MAP4K4: variants seen among roughly 807,000 people sequenced by gnomAD.
MAP4K4 encodes HPK/GCK-like kinase HGK.
MAP4K4 carries 38 observed loss-of-function variants against 189.6 expected under a neutral mutation model. The observed-to-expected ratio is 0.20, with a 90% confidence interval of 0.15 to 0.26. MAP4K4 has a LOEUF of 0.26. Ranked by LOEUF, MAP4K4 falls within the 10% of genes least tolerant of loss-of-function variation. The pLI is 1.00. For missense variants in MAP4K4, 1,054 were observed against 1,726.9 expected (o/e 0.61, Z 6.91); for synonymous variants, 610 against 624.3 (o/e 0.98, Z 0.34).
intron 2 of MAP4K4, among the ~76,000 whole-genome samples, chr2:101,757,084 A>T (rs941431323): frequency 6.6e-6 from 1 of 152,138 alleles, no homozygotes; most frequent in Non-Finnish European, 1.5e-5. Context: ...CTTCACAACT[A>T]TCTGTGTGTA....
chr2:101,809,376 T>C (rs942040548), intron 3 of MAP4K4, among the ~76,000 whole-genome samples: 6 of 152,136 alleles, frequency 3.9e-5, no homozygotes, highest in Non-Finnish European at 7.4e-5. Context: ...GTTGTTAGCT[T>C]ACAAGATCTT....
intron 2 of MAP4K4, among the ~76,000 whole-genome samples, chr2:101,773,162 A>G (rs1301902933): frequency 6.6e-6 from 1 of 152,210 alleles, no homozygotes; most frequent in East Asian, 1.9e-4. Context: ...TAGAGGCAGG[A>G]ATTATACCTG....
Position 101,882,431 on chromosome 2 carries a change from T to A in MAP4K4, c.3386-120T>A, listed in dbSNP as rs1383799451. On this transcript the variant is annotated intron_variant, in intron 27 of 32. Coordinates refer to ENST00000324219, the Ensembl canonical transcript of MAP4K4. ...TGGTACACATCTCCAACTTGTGACT[T>A]GCCTTTCACTAGGTTTAAGTGCTGG... 3 of 662,090 alleles carry A rather than the reference T, an allele frequency of 4.5e-6. No individual in the cohort carries two copies. In the African/African-American group the frequency reaches 5.5e-5, roughly 12 times the overall value. 41.0% of individuals were successfully genotyped at this position (662,090 alleles called of 1,614,324 possible).
chr2:101,741,395 C>T (rs192992473), intron 2 of MAP4K4, among the ~76,000 whole-genome samples: 7 of 152,040 alleles, frequency 4.6e-5, no homozygotes, highest in African/African-American at 1.7e-4. Context: ...GTCTCAATCT[C>T]CTGACCTCGT....
chr2:101,732,300 T>C (rs955039610), intron 2 of MAP4K4, among the ~76,000 whole-genome samples: 1 of 152,126 alleles, frequency 6.6e-6, no homozygotes, highest in Non-Finnish European at 1.5e-5. Context: ...CTCAGGAGTG[T>C]AATCAAGATG....
intron 2 of MAP4K4, among the ~76,000 whole-genome samples, chr2:101,739,068 A>T (rs572891234): frequency 6.6e-6 from 1 of 152,266 alleles, no homozygotes; most frequent in East Asian, 1.9e-4. Context: ...TGTTACACAT[A>T]ATATCTAGAA....
chr2:101,753,595 G>A (rs1424538315), intron 2 of MAP4K4, among the ~76,000 whole-genome samples: 1 of 151,872 alleles, frequency 6.6e-6, no homozygotes, highest in Non-Finnish European at 1.5e-5. Context: ...ATGGATTTCA[G>A]CAAGTATGGG....
chr2:101,814,303 A>AT (rs1474172174), intron 3 of MAP4K4, among the ~76,000 whole-genome samples: 1 of 152,148 alleles, frequency 6.6e-6, no homozygotes, highest in African/African-American at 2.4e-5. Flanking sequence ...TCTATTTTCT[A>AT]TTTTACCCAA....
chr2:101,733,275 A>G (rs1311515978), intron 2 of MAP4K4, among the ~76,000 whole-genome samples: 1 of 152,212 alleles, frequency 6.6e-6, no homozygotes, highest in Non-Finnish European at 1.5e-5. Context: ...TGATGAGGAA[A>G]GGCCTCACTC....
At chr2:101,757,372 TC>T (rs1410295924) in intron 2 of MAP4K4, among the ~76,000 whole-genome samples, 8 of 152,316 alleles carry the variant, frequency 5.3e-5, no homozygotes, top group Admixed American at 5.2e-4. Flanking sequence ...GAGAACACCT[TC>T]CTAGCAAATC....
chr2:101,888,700 T>G, intron 31 of MAP4K4, 96 bp from the exon 32 acceptor site: 3 of 909,294 alleles, frequency 3.3e-6, no homozygotes, highest in Non-Finnish European at 4.6e-6. Flanking sequence ...TTAAAAAGAT[T>G]TAGAAGTATA....
At chr2:101,864,377 G>A (rs2097759400) in intron 17 of MAP4K4, among the ~76,000 whole-genome samples, 1 of 152,038 alleles carries the variant, frequency 6.6e-6, no homozygotes, top group Non-Finnish European at 1.5e-5. Flanking sequence ...ATGCAGTTTT[G>A]CAATATTAAT....
intron 11 of MAP4K4, among the ~76,000 whole-genome samples, chr2:101,843,485 G>C (rs187017582): frequency 6.6e-6 from 1 of 152,278 alleles, no homozygotes. Flanking sequence ...TGAATAGGAG[G>C]AGCACTGTAT....
Position 101,772,536 on chromosome 2 carries a change from A to AT in MAP4K4, c.124-18180dup, listed in dbSNP as rs575254029. On this transcript the variant is annotated intron_variant, in intron 2 of 32. Coordinates refer to ENST00000324219, the Ensembl canonical transcript of MAP4K4. ...CCTTTCCAAAGACCTAAATGAAATT[A>AT]TTTTATGTATCTTCACCCAAGAAAG... is the stretch of plus-strand genomic sequence containing the variant. Among the ~76,000 whole-genome samples, 20 of 152,324 alleles carry AT rather than the reference A, an allele frequency of 1.3e-4. No homozygotes were observed. In the South Asian group the frequency reaches 4.1e-3, roughly 32 times the overall value.
In MAP4K4 at chr2:101,887,070, C is replaced by T. The variant is rs1193665804; in HGVS notation, c.3622-18C>T. 1.4e-6 allele frequency: 2 copies of T among 1,450,766 alleles called. No homozygotes were observed. Among genetic ancestry groups the T allele is most frequent in the Non-Finnish European group, 1.9e-6 (2 of 1,077,724 alleles). The allele number at this position is 1,450,766 out of a possible 1,614,324, so 89.9% of individuals were successfully genotyped here. On this transcript the variant is annotated intron_variant, in intron 29 of 32. Transcript: ENST00000324219. ...TGTTCTCCTTCATCTTCTCACTTCTCTTATGGCTTCTTTGCAGTCATTTGG... is the reference window on the plus strand; with the variant it reads ...TGTTCTCCTTCATCTTCTCACTTCTTTTATGGCTTCTTTGCAGTCATTTGG...
chr2:101,888,128 T>G (rs1434488940), intron 31 of MAP4K4, among the ~76,000 whole-genome samples, 191 bp downstream of exon 31: 1 of 152,220 alleles, frequency 6.6e-6, no homozygotes, highest in Non-Finnish European at 1.5e-5. Context: ...TAGAACAAAA[T>G]CCAAGTAATT....
intron 3 of MAP4K4, chr2:101,797,192 G>A (rs2093787426): frequency 7.9e-7 from 1 of 1,262,486 alleles, no homozygotes; most frequent in African/African-American, 1.5e-5. Context: ...AGAACAAAAG[G>A]AAGGGAAGGA....
At chr2:101,786,391 T>G (rs570014667) in intron 2 of MAP4K4, among the ~76,000 whole-genome samples, 18 of 151,908 alleles carry the variant, frequency 1.2e-4, no homozygotes, top group Non-Finnish European at 2.4e-4. Flanking sequence ...AAGAATAGTT[T>G]GAGTTTTCTT....
At chr2:101,793,559 C>G (rs988055525) in intron 3 of MAP4K4, among the ~76,000 whole-genome samples, 12 of 145,196 alleles carry the variant, frequency 8.3e-5, no homozygotes, top group Non-Finnish European at 1.8e-4. Flanking sequence ...GAGAACAGGA[C>G]TCTTCATGGT....
Sources: gnomAD v4.1 joint callset for allele counts (sites outside exome capture counted in the v4.1 genomes callset) on GRCh38, gnomAD v4.1.1 for gene constraint, MANE v1.5 for transcripts, NCBI Gene and HGNC (gene_info 2026-07-23, HGNC 2026-07-21) for gene names.